IL13RA1: variants seen among roughly 807,000 people sequenced by gnomAD.
IL13RA1 encodes interleukin 13 receptor subunit alpha 1.
IL13RA1 carries 14 observed loss-of-function variants against 33.8 expected under a neutral mutation model. The observed-to-expected ratio is 0.41, with a 90% CI of 0.27 to 0.65. IL13RA1 has a LOEUF of 0.65. Among genes scored for constraint, IL13RA1 ranks in the 30% least tolerant of loss-of-function variants. IL13RA1 has a pLI of 0.28. For missense variants in IL13RA1, 313 were observed against 327.0 expected (o/e 0.96, Z 0.33); for synonymous variants, 116 against 115.7 (o/e 1.00, Z -0.02).
At chrX:118,782,714 C>T (rs761399820) in intron 10 of IL13RA1, among the ~76,000 whole-genome samples, 51 of 109,852 alleles carry the variant, frequency 4.6e-4, no homozygotes, top group African/African-American at 1.6e-3. Context: ...CTTCTGATCT[C>T]AGCCTCCCAA....
At chrX:118,795,294 A>G (rs2018024078), downstream of IL13RA1, among the ~76,000 whole-genome samples, 2 of 110,609 alleles carry the variant, frequency 1.8e-5, no homozygotes, top group Admixed American at 1.9e-4. Flanking sequence ...ACAGTTTCAT[A>G]TTTTCTATAA....
At chrX:118,789,601 C>T (rs918621471) in intron 10 of IL13RA1, among the ~76,000 whole-genome samples, 1 of 111,454 alleles carries the variant, frequency 9.0e-6, no homozygotes, top group African/African-American at 3.2e-5. Context: ...AAGCTCTTTA[C>T]GTATTAGATA....
chrX:118,728,376 C>A (rs1224401019), intron 1 of IL13RA1, among the ~76,000 whole-genome samples: 2 of 112,251 alleles, frequency 1.8e-5, no homozygotes, highest in East Asian at 5.6e-4. Flanking sequence ...ATGCTCCCCC[C>A]ACCCCACTCT....
downstream of IL13RA1, among the ~76,000 whole-genome samples, chrX:118,795,703 A>G (rs1603225813): frequency 8.9e-6 from 1 of 112,198 alleles, no homozygotes; most frequent in Non-Finnish European, 1.9e-5. Context: ...TCTCAGGGGT[A>G]GAGGAGCCAG....
chrX:118,741,804 G>A (rs2017347570), intron 2 of IL13RA1, among the ~76,000 whole-genome samples: 1 of 110,699 alleles, frequency 9.0e-6, no homozygotes, highest in African/African-American at 3.3e-5. Flanking sequence ...TGTGTTTGTT[G>A]CAGGGTGGCG....
the IL13RA1 span, among the ~76,000 whole-genome samples, chrX:118,800,247 C>T: frequency 1.8e-5 from 2 of 110,978 alleles, no homozygotes; most frequent in Admixed American, 9.5e-5. Context: ...TAAAAGCAGG[C>T]TGCCTGAGCC....
In IL13RA1 at chrX:118,794,289, T is replaced by A. The variant is rs1251800389; in HGVS notation, c.*2435T>A. 1 of 112,425 alleles carries A rather than the reference T, an allele frequency of 8.9e-6. No individual in the cohort carries two copies. The highest frequency in any genetic ancestry group is 1.9e-5 in the Non-Finnish European group (1 of 53,220). The allele number at this position is 112,425 out of a possible 1,213,427, so 9.3% of individuals were successfully genotyped here. On this transcript the variant is annotated 3_prime_UTR_variant, in exon 11 of 11. Transcript: ENST00000371666. ...GGATTTCCCATCCCCTGTGGGAAAT[T>A]AGTAGGCTCATTTACTGTTTTAGGT...
At chrX:118,795,845 A>G (rs1345609119), downstream of IL13RA1, among the ~76,000 whole-genome samples, 1 of 112,783 alleles carries the variant, frequency 8.9e-6, no homozygotes, top group Non-Finnish European at 1.9e-5. Flanking sequence ...AGTAGTTTTA[A>G]AAGAAAGCAA....
chrX:118,765,261 C>CTTT (rs36015859), intron 6 of IL13RA1, among the ~76,000 whole-genome samples: 67 of 96,410 alleles, frequency 6.9e-4, no homozygotes, highest in African/African-American at 2.3e-3. Flanking sequence ...TCAAGCCCAG[C>CTTT]TTTTTTTTTT....
chrX:118,773,584 A>G (rs2017748989), intron 8 of IL13RA1, among the ~76,000 whole-genome samples: 1 of 112,214 alleles, frequency 8.9e-6, no homozygotes, highest in Non-Finnish European at 1.9e-5. Context: ...TCCAGGTCCT[A>G]GTCTCTGAGT....
intron 6 of IL13RA1, among the ~76,000 whole-genome samples, chrX:118,761,959 G>C (rs975865933): frequency 8.9e-6 from 1 of 112,450 alleles, no homozygotes; most frequent in African/African-American, 3.2e-5. Flanking sequence ...GCAGTAGGCA[G>C]ACATCAGATC....
At position 118,747,009 on chromosome X, in the gene IL13RA1, G is replaced by A; in HGVS notation, c.284G>A (p.Cys95Tyr). ...SIEVPLNERI[C>Y]LQVGSQCSTN... ...GAAGTACCCCTGAATGAGAGGATTT[G>A]TCTGCAAGTGGGGTCCCAGTGTAGC... is the stretch of plus-strand genomic sequence containing the variant. Residue 95 changes from cysteine to tyrosine, a missense_variant, in exon 3 of 11, where the codon TGT becomes TAT. Cys to Tyr is a radical substitution (Grantham distance 194, BLOSUM62 -2). Transcript: ENST00000371666. 1 of 1,159,395 alleles carries A rather than the reference G, an allele frequency of 8.6e-7. No homozygotes were observed. Among genetic ancestry groups the A allele is most frequent in the Non-Finnish European group, 1.2e-6 (1 of 848,319 alleles).
the IL13RA1 span, among the ~76,000 whole-genome samples, chrX:118,803,018 C>T: frequency 2.7e-5 from 3 of 112,167 alleles, no homozygotes; most frequent in South Asian, 1.1e-3. Flanking sequence ...TTGGCAATAG[C>T]TTGTCCACTC....
At chrX:118,744,233 G>T (rs1603208981) in intron 2 of IL13RA1, among the ~76,000 whole-genome samples, 1 of 110,777 alleles carries the variant, frequency 9.0e-6, no homozygotes, top group Non-Finnish European at 1.9e-5. Context: ...TGATAATCTG[G>T]GTTCCTACTT....
At chrX:118,799,017 G>A (rs1293365043), downstream of IL13RA1, among the ~76,000 whole-genome samples, 3 of 52,011 alleles carry the variant, frequency 5.8e-5, no homozygotes, top group Non-Finnish European at 3.7e-5. Flanking sequence ...GGAGTTCCGG[G>A]TGGGCATGGG....
At chrX:118,775,939 G>A (rs951297305) in intron 9 of IL13RA1, among the ~76,000 whole-genome samples, 1 of 111,241 alleles carries the variant, frequency 9.0e-6, no homozygotes, top group African/African-American at 3.3e-5. Context: ...CCTAAAGACC[G>A]AAAGGAGTGC....
chrX:118,751,018 G>T (rs1308302851), intron 4 of IL13RA1, among the ~76,000 whole-genome samples: 1 of 111,491 alleles, frequency 9.0e-6, no homozygotes, highest in African/African-American at 3.3e-5. Flanking sequence ...TGTTGGCCAG[G>T]CTGGTCTCGA....
chrX:118,770,170 C>G (rs753484257), intron 8 of IL13RA1: 2 of 274,419 alleles, frequency 7.3e-6, no homozygotes, highest in Non-Finnish European at 1.4e-5. Flanking sequence ...ATGGAGTGTC[C>G]GCGACAACGC....
chrX:118,739,901 AC>A (rs2017322905), intron 1 of IL13RA1, among the ~76,000 whole-genome samples: 1 of 112,103 alleles, frequency 8.9e-6, no homozygotes, highest in African/African-American at 3.2e-5. Context: ...TCTTAAACTT[AC>A]TTATAGAACT....
Sources: allele counts gnomAD v4.1 joint callset (sites outside exome capture counted in the v4.1 genomes callset), GRCh38; gene constraint gnomAD v4.1.1; transcripts MANE v1.5; gene names NCBI Gene and HGNC (gene_info 2026-07-23, HGNC 2026-07-21).